DPP10: variants seen among roughly 807,000 people sequenced by gnomAD.
The protein encoded by DPP10 is dipeptidyl peptidase like 10.
Under a neutral mutation model 120.9 loss-of-function variants are expected in DPP10, and 33 were observed. The observed-to-expected ratio is 0.27, with a 90% CI of 0.21 to 0.37. The LOEUF is 0.37. Among genes scored for constraint, DPP10 ranks in the 10% least tolerant of loss-of-function variants. The probability of loss-of-function intolerance (pLI) is 1.00; values close to 1 mark genes in which losing one functional copy is unlikely to be tolerated. For synonymous variants in DPP10, 337 were observed against 326.1 expected, an observed-to-expected ratio of 1.03 and a Z score of -0.36; for missense variants, 816 against 942.8, an observed-to-expected ratio of 0.87 and a Z score of 1.76.
Position 114,644,163 on chromosome 2 carries a change from C to G in DPP10, c.60+201325C>G, listed in dbSNP as rs551220465. Among the ~76,000 whole-genome samples, 3 of 148,896 alleles carry G rather than the reference C, an allele frequency of 2.0e-5. No individual in the cohort carries two copies. The East Asian group carries it at 5.9e-4, about 29-fold the overall frequency. ...TTTACTATGTTGGCCAGGCTGGTCT[C>G]AAACTCCTGACTTCGTGAACTGCCT... is the stretch of plus-strand genomic sequence containing the variant. On this transcript the variant is annotated intron_variant, in intron 1 of 25. Coordinates refer to ENST00000410059, the MANE Select transcript of DPP10 (RefSeq NM_020868.6).
intron 5 of DPP10, among the ~76,000 whole-genome samples, chr2:115,541,500 G>A (rs767487749): frequency 6.6e-6 from 1 of 150,708 alleles, no homozygotes. Context: ...GTGTGTGCGA[G>A]AGAGAGAGAG....
At position 115,766,310 on chromosome 2, in the gene DPP10, G is replaced by GTGTGTGTGTA. The variant is rs1371625141; in HGVS notation, c.1114-1986_1114-1985insGTGTGTGTAT. Reference sequence around the variant, plus strand: ...TATGTGTGTGTGTGTGTGTGTGTGTGTATATATATATATATGTATATATAT... The same window carrying GTGTGTGTGTA: ...TATGTGTGTGTGTGTGTGTGTGTGTGTGTGTGTGTATATATATATATATATGTATATATAT... On this transcript the variant is annotated intron_variant, in intron 12 of 25. Coordinates refer to ENST00000410059, the MANE Select transcript of DPP10 (RefSeq NM_020868.6). 1.7e-3 allele frequency among the ~76,000 whole-genome samples: 142 copies of GTGTGTGTGTA among 81,702 alleles called. 5 individuals carry two copies. The highest frequency in any genetic ancestry group is 6.7e-3 in the Middle Eastern group (1 of 150). 53.6% of individuals were successfully genotyped at this position (81,702 alleles called of 152,430 possible). A position where few individuals can be genotyped will look rare whatever the true frequency, so the allele number is the denominator to read the frequency against.
chr2:114,980,541 G>A (rs1482253132), intron 1 of DPP10, among the ~76,000 whole-genome samples: 4 of 149,080 alleles, frequency 2.7e-5, no homozygotes, highest in African/African-American at 7.4e-5. Context: ...GATACATTAG[G>A]AAAAATTATC....
intron 2 of DPP10, among the ~76,000 whole-genome samples, chr2:115,340,325 T>C (rs1471366901): frequency 6.6e-6 from 1 of 152,100 alleles, no homozygotes; most frequent in Non-Finnish European, 1.5e-5. Context: ...TACCAAACTA[T>C]ATATACTTTG....
chr2:114,795,906 G>A (rs995985258), intron 1 of DPP10, among the ~76,000 whole-genome samples: 3 of 152,090 alleles, frequency 2.0e-5, no homozygotes, highest in African/African-American at 7.2e-5. Flanking sequence ...ATTAACAGTA[G>A]AGAGAAATGT....
At chr2:115,375,665 A>G (rs1459877513) in intron 3 of DPP10, among the ~76,000 whole-genome samples, 5 of 152,214 alleles carry the variant, frequency 3.3e-5, no homozygotes, top group Admixed American at 6.5e-5. Context: ...TATGAAGAAA[A>G]GAGGTTTAAT....
intron 1 of DPP10, among the ~76,000 whole-genome samples, chr2:114,670,841 A>G (rs1028932803): frequency 6.6e-6 from 1 of 152,156 alleles, no homozygotes; most frequent in East Asian, 1.9e-4. Context: ...CCATCATCTT[A>G]GAAGTAAATA....
chr2:115,156,903 A>G (rs991441829), intron 1 of DPP10, among the ~76,000 whole-genome samples: 7 of 152,110 alleles, frequency 4.6e-5, no homozygotes, highest in Admixed American at 2.6e-4. Context: ...GAAAATCAGG[A>G]AAAAAAATAC....
chr2:114,789,650 G>T (rs1008704558), intron 1 of DPP10, among the ~76,000 whole-genome samples: 1 of 152,198 alleles, frequency 6.6e-6, no homozygotes, highest in African/African-American at 2.4e-5. Context: ...CCTGAAGTAC[G>T]TGAGGTATGG....
chr2:115,382,069 G>C (rs897136479), intron 3 of DPP10, among the ~76,000 whole-genome samples: 9 of 152,168 alleles, frequency 5.9e-5, no homozygotes, highest in Non-Finnish European at 1.2e-4. Flanking sequence ...CTTGAGCTGT[G>C]GTGGGCTCCA....
chr2:115,373,552 A>T (rs2065568865), intron 3 of DPP10, among the ~76,000 whole-genome samples: 4 of 152,146 alleles, frequency 2.6e-5, no homozygotes, highest in Admixed American at 2.6e-4. Context: ...AGGAAGTAAG[A>T]ATATGAAAAA....
intron 4 of DPP10, among the ~76,000 whole-genome samples, chr2:115,522,806 G>A (rs2077895824): frequency 6.6e-6 from 1 of 152,102 alleles, no homozygotes. Context: ...TGAAGGTACT[G>A]TAATAGCATT....
At chr2:114,814,094 T>A (rs745511069) in intron 1 of DPP10, among the ~76,000 whole-genome samples, 1 of 152,178 alleles carries the variant, frequency 6.6e-6, no homozygotes, top group Non-Finnish European at 1.5e-5. Flanking sequence ...ACCATTTTGG[T>A]AGACACTATG....
At chr2:115,127,129 C>G (rs1407531079) in intron 1 of DPP10, among the ~76,000 whole-genome samples, 1 of 152,016 alleles carries the variant, frequency 6.6e-6, no homozygotes, top group Non-Finnish European at 1.5e-5. Context: ...AGTAATATAC[C>G]CTAACTGTTA....
intron 1 of DPP10, among the ~76,000 whole-genome samples, chr2:115,154,717 T>C (rs1318802055): frequency 1.3e-5 from 2 of 151,932 alleles, no homozygotes; most frequent in Non-Finnish European, 2.9e-5. Context: ...AGGAGACTGA[T>C]GTAGACCCCT....
At chr2:115,561,921 T>A (rs1199073841) in intron 5 of DPP10, among the ~76,000 whole-genome samples, 1 of 152,226 alleles carries the variant, frequency 6.6e-6, no homozygotes, top group African/African-American at 2.4e-5. Flanking sequence ...TCTCCCAAAC[T>A]GTCCTATATC....
In DPP10 at chr2:115,309,274, G is replaced by A; in HGVS notation, c.96G>A (p.Trp32Ter). 6.2e-7 allele frequency: 1 copy of A among 1,613,396 alleles called. No individual in the cohort carries two copies. The highest frequency in any genetic ancestry group is 1.7e-5 in the Admixed American group (1 of 59,964). Reference sequence around the variant, plus strand: ...GTAACAGCCCTCCACAGAGAAACTGGAAGGGAATTGCTATTGCTCTGCTGG... The same window carrying A: ...GTAACAGCCCTCCACAGAGAAACTGAAAGGGAATTGCTATTGCTCTGCTGG... ...LGSNSPPQRN[W>*]KGIAIALLVI... Residue 32 changes from tryptophan to a stop codon, truncating the protein, a stop_gained, in exon 2 of 26, where the codon TGG (tryptophan) becomes TGA (stop). Coordinates refer to ENST00000410059, the MANE Select transcript of DPP10 (RefSeq NM_020868.6). LOFTEE classifies it high-confidence loss of function.
At chr2:114,714,945 G>A (rs1701258958) in intron 1 of DPP10, among the ~76,000 whole-genome samples, 1 of 152,070 alleles carries the variant, frequency 6.6e-6, no homozygotes. Context: ...GTTTCATAAT[G>A]GGGTTGCTGT....
chr2:114,897,703 T>G (rs1416183440), intron 1 of DPP10, among the ~76,000 whole-genome samples: 4 of 152,040 alleles, frequency 2.6e-5, no homozygotes, highest in Admixed American at 2.6e-4. Flanking sequence ...GAACAGACAC[T>G]TCTCAAAAGA....
Sources: gnomAD v4.1 joint callset for allele counts (sites outside exome capture counted in the v4.1 genomes callset) on GRCh38, gnomAD v4.1.1 for gene constraint, MANE v1.5 for transcripts, NCBI Gene and HGNC (gene_info 2026-07-23, HGNC 2026-07-21) for gene names.